Variants in MCM4 observed in about 807,000 individuals in gnomAD.
The protein encoded by MCM4 is DNA replication licensing factor MCM4.
A neutral mutation model predicts 88.7 loss-of-function variants in MCM4; 60 were observed. The observed-to-expected ratio is 0.68, with a 90% CI of 0.55 to 0.84. The LOEUF (loss-of-function observed/expected upper bound fraction) is 0.84. MCM4 is among the 40% of genes least tolerant of loss of function. MCM4 has a pLI of 0.00. For missense variants in MCM4, 1,149 were observed against 1,105.5 expected, an observed-to-expected ratio of 1.04 and a Z score of -0.56; for synonymous variants, 465 against 410.5, an observed-to-expected ratio of 1.13 and a Z score of -1.61.
rs755898364 is a variant in MCM4 at position 47,961,543 on chromosome 8, C to G, written c.98C>G (p.Pro33Arg). The G allele has an allele frequency of 6.2e-7, 1 of 1,614,148 alleles. No individual in the cohort carries two copies. The highest frequency in any genetic ancestry group is 8.5e-7 in the Non-Finnish European group (1 of 1,180,034). Residue 33 changes from proline to arginine, a missense_variant, in exon 3 of 17, where the codon CCC (proline) becomes CGC (arginine). Around this residue, in one of 3 missense-constraint regions of MCM4, gnomAD observed 906 missense variants for 843.0 expected, o/e 1.07. Coordinates refer to ENST00000649973, the MANE Select transcript of MCM4 (RefSeq NM_182746.3). ...TPRSEDARSS[P>R]SQRRRGEDST... is the part of the protein sequence containing the mutation. The stretch of plus-strand genomic sequence containing the variant: ...CGGAGTGAGGATGCCAGGTCATCTC[C>G]CTCTCAGAGACGTAGAGGCGAGGAT...
chr8:47,975,694 A>G (rs928213836), intron 15 of MCM4, 21 bp from the exon 16 acceptor site: 1 of 1,499,172 alleles, frequency 6.7e-7, no homozygotes, highest in Non-Finnish European at 8.9e-7. Flanking sequence ...AAATGTTTTC[A>G]TTGATTTCTT....
chr8:47,961,991 G>A (rs1300465388), intron 3 of MCM4, 62 bp from the exon 4 acceptor site: 5 of 1,485,476 alleles, frequency 3.4e-6, no homozygotes, highest in East Asian at 4.5e-5. Context: ...TAGATCAACA[G>A]ACAACATGCT....
chr8:47,965,654 A>G (rs566235426), intron 8 of MCM4, among the ~76,000 whole-genome samples: 3 of 152,296 alleles, frequency 2.0e-5, no homozygotes, highest in Admixed American at 6.5e-5. Context: ...CAAATAATAG[A>G]GGAAACGAGC....
intron 14 of MCM4, among the ~76,000 whole-genome samples, chr8:47,973,536 A>C (rs187222545): frequency 3.7e-3 from 552 of 149,250 alleles, no homozygotes; most frequent in Non-Finnish European, 6.0e-3. Context: ...TGTGTCCCCC[A>C]GGCTGGACTG....
In MCM4 at chr8:47,960,947, T is replaced by A. The variant is rs1409167906; in HGVS notation, c.-82T>A. On this transcript the variant is annotated 5_prime_UTR_variant, in exon 1 of 17. Coordinates refer to ENST00000649973, the MANE Select transcript of MCM4 (RefSeq NM_182746.3). The stretch of plus-strand genomic sequence containing the variant: ...GGCGGGAACTCTGGGTCTCGCGGTT[T>A]GGGAGCGCTACTCGCCAGGTGGACT... The A allele has an allele frequency of 1.9e-6, 1 of 537,896 alleles. No homozygotes were observed. Among genetic ancestry groups the A allele is most frequent in the East Asian group, 3.6e-5 (1 of 27,406 alleles). The allele number at this position is 537,896 out of a possible 1,614,324, so 33.3% of individuals were successfully genotyped here. A position where few individuals can be genotyped will look rare whatever the true frequency, so the allele number is the denominator to read the frequency against.
intron 16 of MCM4, 113 bp from the exon 17 acceptor site, chr8:47,976,573 A>G (rs1188297791): frequency 1.5e-5 from 11 of 714,642 alleles, no homozygotes; most frequent in Non-Finnish European, 2.4e-5. Flanking sequence ...GTGTACAGCC[A>G]CCAAAAAGAG....
intron 16 of MCM4, 89 bp from the exon 17 acceptor site, chr8:47,976,597 G>A (rs879229001): frequency 2.2e-6 from 2 of 906,210 alleles, no homozygotes; most frequent in Admixed American, 2.0e-5. Flanking sequence ...GATTCTGGGT[G>A]GTACTTTAAC....
chr8:47,976,333 AGTT>A (rs904694633), intron 16 of MCM4, among the ~76,000 whole-genome samples: 7 of 151,686 alleles, frequency 4.6e-5, no homozygotes, highest in African/African-American at 1.5e-4. Context: ...CCCCTTTCAT[AGTT>A]GTTATAAGTT....
intron 13 of MCM4, among the ~76,000 whole-genome samples, 156 bp from the exon 14 acceptor site, chr8:47,972,701 C>G (rs1387077009): frequency 6.6e-6 from 1 of 151,990 alleles, no homozygotes; most frequent in Non-Finnish European, 1.5e-5. Context: ...GGATTACAGG[C>G]AGGCACCACC....
chr8:47,975,814 A>C lies in MCM4; in HGVS notation c.2465A>C (p.Gln822Pro), dbSNP rs767461218. ...KGKTPALKYQ[Q>P]LFEDIRGQSD... ...AAAACACCAGCTCTAAAATACCAGC[A>C]ACTTTTTGAAGATATTCGGGGACAA... Residue 822 changes from glutamine (Q) to proline (P), a missense_variant, in exon 16 of 17, where the codon CAA (glutamine) becomes CCA (proline). Gln to Pro is a moderately conservative substitution (Grantham distance 76). This residue lies in a region of MCM4 where 238 missense variants were observed against 241.6 expected (regional missense o/e 0.99). Transcript: ENST00000649973. 41 of 1,585,000 alleles carry C rather than the reference A, an allele frequency of 2.6e-5. No individual in the cohort carries two copies. Among genetic ancestry groups the C allele is most frequent in the Middle Eastern group, 1.7e-4 (1 of 6,042 alleles).
At position 47,970,519 on chromosome 8, in the gene MCM4, G is replaced by A. The variant is rs1460141991; in HGVS notation, c.1443G>A (p.Leu481=). ...YEHEDIKKGI[L]LQLFGGTRKD... ...TGTCTCTGATTATTTAGGGAATTTT[G>A]CTTCAGCTCTTTGGCGGGACAAGGA... Residue 481 remains leucine, a synonymous_variant, in exon 12 of 17, where the codon TTG becomes TTA. Transcript: ENST00000649973. 1 of 1,596,682 alleles carries A rather than the reference G, an allele frequency of 6.3e-7. No homozygotes were observed.
chr8:47,976,883 G>A lies in MCM4; in HGVS notation c.*105G>A, dbSNP rs1313709919. 11 of 682,758 alleles carry A rather than the reference G, an allele frequency of 1.6e-5. No individual in the cohort carries two copies. Among genetic ancestry groups the A allele is most frequent in the Middle Eastern group, 3.8e-4 (1 of 2,660 alleles). The allele number at this position is 682,758 out of a possible 1,614,324, so 42.3% of individuals were successfully genotyped here. On this transcript the variant is annotated 3_prime_UTR_variant, in exon 17 of 17. Transcript: ENST00000649973. ...GCCATCAGTGTAAATAGAGCTTAAA[G>A]TCATGGTTTGGCTGCATAAAAATTT...
chr8:47,974,971 T>C lies in MCM4; in HGVS notation c.2365+9T>C. On this transcript the variant is annotated intron_variant, in intron 15 of 16. Transcript: ENST00000649973. ...ATCTATTCTTACTACGGGTTCGTTA[T>C]TTTCAGTGAACAGAAAAGCTTTTGA... The C allele has an allele frequency of 6.3e-7, 1 of 1,596,652 alleles. No homozygotes were observed. The highest frequency in any genetic ancestry group is 8.6e-7 in the Non-Finnish European group (1 of 1,167,900).
intron 14 of MCM4, 80 bp from the exon 15 acceptor site, chr8:47,974,654 A>C: frequency 9.3e-7 from 1 of 1,070,164 alleles, no homozygotes; most frequent in Non-Finnish European, 1.4e-6. Flanking sequence ...ATGGAAGCCT[A>C]AGTGTTCAAA....
intron 10 of MCM4, 160 bp from the exon 11 acceptor site, chr8:47,969,638 G>A: frequency 1.5e-6 from 1 of 650,612 alleles, no homozygotes; most frequent in South Asian, 1.9e-5. Context: ...TGAGTCCTGG[G>A]CTTGGGAGGG....
chr8:47,966,158 G>A (rs2090896071), intron 8 of MCM4, 29 bp from the exon 9 acceptor site: 2 of 1,560,496 alleles, frequency 1.3e-6, no homozygotes, highest in South Asian at 2.2e-5. Flanking sequence ...CTCAGGTCAG[G>A]TGTGCTGACC....
intron 14 of MCM4, 90 bp downstream of exon 14, chr8:47,973,154 T>TAAA: frequency 8.6e-7 from 1 of 1,166,202 alleles, no homozygotes; most frequent in Non-Finnish European, 1.2e-6. Context: ...TTAATTATTT[T>TAAA]GTTACGAATA....
chr8:47,961,751 G>A, intron 3 of MCM4, 71 bp downstream of exon 3: 2 of 1,525,658 alleles, frequency 1.3e-6, no homozygotes. Context: ...CAGGTTTACT[G>A]GCTTTATAAC....
At position 47,972,970 on chromosome 8, in the gene MCM4, T is replaced by C. The variant is rs569828522; in HGVS notation, c.2042T>C (p.Leu681Pro). 5 of 1,614,090 alleles carry C rather than the reference T, an allele frequency of 3.1e-6. No homozygotes were observed. The highest frequency in any genetic ancestry group is 4.2e-6 in the Non-Finnish European group (5 of 1,180,004). The change falls in exon 14 of 17, where the codon CTC becomes CCC. Residue 681 changes from leucine (L) to proline (P), a missense_variant. Transcript: ENST00000649973. ...YQSEEQAEEE[L>P]LDMAVLKDYI... Reference sequence around the variant, plus strand: ...AGCGAGGAGCAGGCAGAGGAGGAGCTCCTGGACATGGCGGTGCTAAAGGAC... The same window carrying C: ...AGCGAGGAGCAGGCAGAGGAGGAGCCCCTGGACATGGCGGTGCTAAAGGAC...
Sources: allele counts gnomAD v4.1 joint callset (sites outside exome capture counted in the v4.1 genomes callset), GRCh38; gene constraint gnomAD v4.1.1; regional missense constraint gnomAD v4.1.1; transcripts MANE v1.5; gene names NCBI Gene and HGNC (gene_info 2026-07-23, HGNC 2026-07-21).